ALDH6A1: variants seen among roughly 807,000 people sequenced by gnomAD.
ALDH6A1 encodes the protein aldehyde dehydrogenase 6 family member A1, also known as methylmalonate-semialdehyde/malonate-semialdehyde dehydrogenase [acylating], mitochondrial.
In ALDH6A1, 43 loss-of-function variants were observed where a neutral mutation model predicts 62.6. That is an observed-to-expected ratio of 0.69 (90% CI 0.54 to 0.89). ALDH6A1 has a LOEUF of 0.89. Ranked by LOEUF, ALDH6A1 falls within the 40% of genes least tolerant of loss-of-function variation. ALDH6A1 has a pLI of 0.00. For missense variants in ALDH6A1, 551 were observed against 661.3 expected, an observed-to-expected ratio of 0.83 and a Z score of 1.83; for synonymous variants, 194 against 234.2, an observed-to-expected ratio of 0.83 and a Z score of 1.57.
rs193216655 is a variant in ALDH6A1 at position 74,071,030 on chromosome 14, C to T, written c.730+165G>A. 3.7e-3 allele frequency: 2,665 copies of T among 728,784 alleles called. 23 individuals carry two copies. The highest frequency in any genetic ancestry group is 0.023 in the Middle Eastern group (65 of 2,850). 45.1% of individuals were successfully genotyped at this position (728,784 alleles called of 1,614,324 possible). On this transcript the variant is annotated intron_variant, in intron 6 of 11. Coordinates refer to ENST00000553458, the MANE Select transcript of ALDH6A1 (RefSeq NM_005589.4). The stretch of plus-strand genomic sequence containing the variant: ...GCACTGCTATTCCCCAATCAGTTAC[C>T]TTGGCGCACAAAGATGGCAAAATCA...
chr14:74,060,686 TAG>T lies in ALDH6A1; in HGVS notation c.1562_1563del (p.Ala521AspfsTer54). On this transcript the variant is annotated frameshift_variant, in exon 12 of 12. Transcript: ENST00000553458. LOFTEE classifies it high-confidence loss of function. Reference protein sequence around the residue: ...TITSQWKEEDATLSSPAVVMP... With the variant: ...TITSQWKEEDXTLSSPAVVMP... ...ATGACAACAGCAGGTGAGGAAAGAGTAGCATCTTCTTCTTTCCACTGAGAAGT... is the reference window on the plus strand; with the variant it reads ...ATGACAACAGCAGGTGAGGAAAGAGTCATCTTCTTCTTTCCACTGAGAAGT... 1.2e-6 allele frequency: 2 copies of T among 1,613,834 alleles called. No individual in the cohort carries two copies. The highest frequency in any genetic ancestry group is 1.7e-6 in the Non-Finnish European group (2 of 1,179,858).
At chr14:74,072,139 CTGTG>C in intron 4 of ALDH6A1, 60 bp downstream of exon 4, 1 of 1,612,124 alleles carries the variant, frequency 6.2e-7, no homozygotes, top group Non-Finnish European at 8.5e-7. Flanking sequence ...GAAAAGGTCT[CTGTG>C]AGAGTGACAA....
At chr14:74,066,271 T>C (rs964266511) in intron 9 of ALDH6A1, among the ~76,000 whole-genome samples, 1 of 152,188 alleles carries the variant, frequency 6.6e-6, no homozygotes, top group African/African-American at 2.4e-5. Flanking sequence ...CTGCCTGTTT[T>C]TGTACAGCCC....
chr14:74,069,458 T>G (rs902374341), intron 6 of ALDH6A1, among the ~76,000 whole-genome samples: 5 of 151,850 alleles, frequency 3.3e-5, no homozygotes, highest in African/African-American at 1.2e-4. Flanking sequence ...TCTTTTAAAT[T>G]CTATTTAGCC....
At chr14:74,069,614 G>A (rs1185537668) in intron 6 of ALDH6A1, among the ~76,000 whole-genome samples, 1 of 151,626 alleles carries the variant, frequency 6.6e-6, no homozygotes, top group Admixed American at 6.6e-5. Flanking sequence ...TTAGCCAAAT[G>A]TGGTGGTGGG....
At chr14:74,061,956 T>C (rs2139735448) in intron 11 of ALDH6A1, among the ~76,000 whole-genome samples, 1 of 147,504 alleles carries the variant, frequency 6.8e-6, no homozygotes, top group African/African-American at 2.5e-5. Context: ...ACACTTGTAA[T>C]ATCAGCACTT....
intron 1 of ALDH6A1, among the ~76,000 whole-genome samples, chr14:74,076,042 A>C (rs1438870099): frequency 6.6e-6 from 1 of 152,216 alleles, no homozygotes; most frequent in African/African-American, 2.4e-5. Context: ...TAATATCAGA[A>C]AGCAGAACAG....
intron 6 of ALDH6A1, 185 bp from the exon 7 acceptor site, chr14:74,069,166 A>T: frequency 1.9e-6 from 1 of 535,834 alleles, no homozygotes; most frequent in Admixed American, 3.6e-5. Flanking sequence ...GTGCAGTGGC[A>T]CAATTTCGGC....
intron 1 of ALDH6A1, among the ~76,000 whole-genome samples, chr14:74,075,597 C>T (rs1180962565): frequency 1.3e-5 from 2 of 151,306 alleles, no homozygotes; most frequent in Non-Finnish European, 2.9e-5. Context: ...GGTGAGGCTG[C>T]AGTGAACCGT....
At chr14:74,079,463 T>C (rs1275129864) in intron 1 of ALDH6A1, among the ~76,000 whole-genome samples, 1 of 149,770 alleles carries the variant, frequency 6.7e-6, no homozygotes, top group African/African-American at 2.5e-5. Context: ...AGACAGAGTC[T>C]CACTCTGTCG....
At chr14:74,084,118 T>G (rs2060698113) in intron 1 of ALDH6A1, among the ~76,000 whole-genome samples, 1 of 151,640 alleles carries the variant, frequency 6.6e-6, no homozygotes, top group Non-Finnish European at 1.5e-5. Flanking sequence ...AGAGGAGGCT[T>G]AGGAGTAAAA....
At position 74,072,003 on chromosome 14, in the gene ALDH6A1, A is replaced by G. The variant is rs4646861; in HGVS notation, c.349-29T>C. 234,373 of 1,605,306 alleles carry G rather than the reference A, an allele frequency of 0.15. 21,754 individuals carry two copies. The highest frequency in any genetic ancestry group is 0.55 in the East Asian group (24,620 of 44,818). ...GAGAGAAGACACACAAATAGAAATT[A>G]ATGCAAGAATGTTCCTCTTTTAAAT... On this transcript the variant is annotated intron_variant, in intron 4 of 11. Coordinates refer to ENST00000553458, the MANE Select transcript of ALDH6A1 (RefSeq NM_005589.4).
intron 11 of ALDH6A1, 130 bp downstream of exon 11, chr14:74,064,692 C>A (rs539773352): frequency 1.2e-6 from 2 of 1,614,062 alleles, no homozygotes; most frequent in East Asian, 4.5e-5. Context: ...TTTTAGGGAA[C>A]CTTCTGAGAA....
rs986954821 is a variant in ALDH6A1, at chr14:74,074,985, C to T, written c.81G>A (p.Trp27Ter). The T allele has an allele frequency of 3.7e-6, 6 of 1,613,982 alleles. No homozygotes were observed. The highest frequency in any genetic ancestry group is 5.1e-6 in the Non-Finnish European group (6 of 1,179,958). The part of the protein sequence containing the change: ...VSSKVKSSPT[W>*]YSASSFSSSV... ...AAGAAGAGAAGGAAGATGCTGAATA[C>T]CAGGTGGGACTGGATTTCACCTTGG... The change falls in exon 2 of 12, where the codon TGG becomes TGA. Residue 27 changes from tryptophan (W) to a stop codon, truncating the protein, a stop_gained. Coordinates refer to ENST00000553458, the MANE Select transcript of ALDH6A1 (RefSeq NM_005589.4). LOFTEE classifies it high-confidence loss of function.
chr14:74,082,085 G>T (rs1317418023), intron 1 of ALDH6A1, among the ~76,000 whole-genome samples: 4 of 152,116 alleles, frequency 2.6e-5, no homozygotes, highest in Non-Finnish European at 5.9e-5. Flanking sequence ...ACGATCTGTT[G>T]TTGCAGCTAC....
In ALDH6A1 at chr14:74,057,203, C is replaced by T; in HGVS notation, c.*3439G>A. The T allele has an allele frequency of 6.2e-7, 1 of 1,614,100 alleles. No individual in the cohort carries two copies. Among genetic ancestry groups the T allele is most frequent in the Non-Finnish European group, 8.5e-7 (1 of 1,179,972 alleles). On this transcript the variant is annotated 3_prime_UTR_variant, in exon 12 of 12. Transcript: ENST00000553458. ...ACCCAGCAAATTGCAATATCAGACT[C>T]TTCTGGTGAAGTGGTGCTACCCACT...
intron 9 of ALDH6A1, chr14:74,066,181 G>A (rs902655974): frequency 1.2e-5 from 2 of 165,948 alleles, no homozygotes; most frequent in African/African-American, 4.8e-5. Context: ...AAGAGGGAGA[G>A]GGGAGAGAAA....
intron 1 of ALDH6A1, among the ~76,000 whole-genome samples, chr14:74,079,918 G>C (rs1033688845): frequency 6.6e-6 from 1 of 152,046 alleles, no homozygotes; most frequent in Admixed American, 6.6e-5. Context: ...TGCACCTGTG[G>C]TCCCAGGTAC....
At chr14:74,064,639 G>C (rs1180806903) in intron 11 of ALDH6A1, 183 bp downstream of exon 11, 1 of 1,595,758 alleles carries the variant, frequency 6.3e-7, no homozygotes, top group African/African-American at 1.3e-5. Flanking sequence ...GAATTATTCA[G>C]GAAGAAGCAG....
Sources: allele counts gnomAD v4.1 joint callset (sites outside exome capture counted in the v4.1 genomes callset), GRCh38; gene constraint gnomAD v4.1.1; transcripts MANE v1.5; gene names NCBI Gene and HGNC (gene_info 2026-07-23, HGNC 2026-07-21).